GALNT13: variants seen among roughly 807,000 people sequenced by gnomAD.
GALNT13 encodes the protein polypeptide N-acetylgalactosaminyltransferase 13, also known as UDP-GalNAc:polypeptide N-acetylgalactosaminyltransferase 13.
In GALNT13, 28 loss-of-function variants were observed where a neutral mutation model predicts 64.2. The ratio of observed to expected loss-of-function variants is 0.44; its 90% CI spans 0.32 to 0.60. GALNT13 has a LOEUF of 0.60. Among genes scored for constraint, GALNT13 ranks in the 20% least tolerant of loss-of-function variants. GALNT13 has a pLI of 0.05. For synonymous variants in GALNT13, 214 were observed against 224.6 expected (o/e 0.95, Z 0.42); for missense variants, 577 against 669.8 (o/e 0.86, Z 1.53).
chr2:154,172,361 C>A (rs1032819141), intron 4 of GALNT13, among the ~76,000 whole-genome samples: 17 of 151,758 alleles, frequency 1.1e-4, no homozygotes, highest in African/African-American at 4.1e-4. Flanking sequence ...CTATTATTTC[C>A]CTACTAATGT....
the GALNT13 span, among the ~76,000 whole-genome samples, chr2:153,387,814 A>AT: frequency 6.6e-6 from 1 of 152,136 alleles, no homozygotes; most frequent in South Asian, 2.1e-4. Flanking sequence ...AAAGCACCTC[A>AT]TAAAAAGCTC....
intron 4 of GALNT13, among the ~76,000 whole-genome samples, chr2:154,162,986 A>C (rs967319941): frequency 6.2e-5 from 9 of 146,076 alleles, no homozygotes; most frequent in Middle Eastern, 3.2e-3. Context: ...TTTTTTTTTT[A>C]TATTTTTTAT....
the GALNT13 span, among the ~76,000 whole-genome samples, chr2:153,094,193 G>A: frequency 6.6e-6 from 1 of 151,360 alleles, no homozygotes; most frequent in Non-Finnish European, 1.5e-5. Flanking sequence ...TTTGGGTTTG[G>A]TTTTCCCTTT....
chr2:153,244,786 C>T, the GALNT13 span, among the ~76,000 whole-genome samples: 1 of 152,174 alleles, frequency 6.6e-6, no homozygotes, highest in African/African-American at 2.4e-5. Context: ...CAGAACTGTT[C>T]ACTGCCTTGG....
chr2:153,893,076 G>A (rs1687656489), intron 1 of GALNT13, among the ~76,000 whole-genome samples: 1 of 151,940 alleles, frequency 6.6e-6, no homozygotes, highest in Non-Finnish European at 1.5e-5. Flanking sequence ...TAGGATTCTT[G>A]TACTCAAAAT....
the GALNT13 span, among the ~76,000 whole-genome samples, chr2:153,652,053 G>A: frequency 4.5e-4 from 69 of 152,196 alleles, no homozygotes; most frequent in Middle Eastern, 6.8e-3. Context: ...AGCAGCAAGA[G>A]TTATCATCAT....
At chr2:154,264,624 G>A (rs1244595319) in intron 8 of GALNT13, among the ~76,000 whole-genome samples, 1 of 152,012 alleles carries the variant, frequency 6.6e-6, no homozygotes. Context: ...ACAACAGAGC[G>A]AGACTCTGTC....
At chr2:153,516,929 G>T in the GALNT13 span, among the ~76,000 whole-genome samples, 1 of 151,986 alleles carries the variant, frequency 6.6e-6, no homozygotes, top group African/African-American at 2.4e-5. Flanking sequence ...CTCTTGTAGG[G>T]TTTAGTTTTT....
At chr2:153,781,343 A>C in the GALNT13 span, among the ~76,000 whole-genome samples, 1 of 152,170 alleles carries the variant, frequency 6.6e-6, no homozygotes, top group Non-Finnish European at 1.5e-5. Context: ...CTATTGCCTC[A>C]GTTTGCTCAT....
At chr2:153,638,024 G>C in the GALNT13 span, among the ~76,000 whole-genome samples, 1 of 150,658 alleles carries the variant, frequency 6.6e-6, no homozygotes, top group Non-Finnish European at 1.5e-5. Flanking sequence ...GGTGGACAAG[G>C]AGGTCTCACT....
At chr2:153,714,150 G>A in the GALNT13 span, among the ~76,000 whole-genome samples, 1 of 152,060 alleles carries the variant, frequency 6.6e-6, no homozygotes, top group Admixed American at 6.5e-5. Context: ...GACATTCCAG[G>A]TCCAGAGATT....
intron 3 of GALNT13, among the ~76,000 whole-genome samples, chr2:154,052,887 C>T (rs776258780): frequency 1.3e-5 from 2 of 151,952 alleles, no homozygotes; most frequent in Admixed American, 6.6e-5. Flanking sequence ...CAGGCGCCCG[C>T]CACCATGCCC....
intron 11 of GALNT13, among the ~76,000 whole-genome samples, chr2:154,429,325 A>G (rs182592511): frequency 1.3e-5 from 2 of 152,326 alleles, no homozygotes; most frequent in Non-Finnish European, 2.9e-5. Flanking sequence ...GGAAATTGAA[A>G]GTGTTACTCT....
At chr2:153,135,659 T>C in the GALNT13 span, among the ~76,000 whole-genome samples, 3 of 152,102 alleles carry the variant, frequency 2.0e-5, no homozygotes, top group Middle Eastern at 6.3e-3. Context: ...TATGTGTGTG[T>C]GATTTTTTCA....
intron 4 of GALNT13, among the ~76,000 whole-genome samples, chr2:154,198,621 A>G (rs1399201666): frequency 1.3e-5 from 2 of 151,938 alleles, no homozygotes; most frequent in Non-Finnish European, 2.9e-5. Flanking sequence ...AGTCCCTGCA[A>G]GTACCCTATA....
chr2:153,352,996 G>C, the GALNT13 span, among the ~76,000 whole-genome samples: 2 of 152,060 alleles, frequency 1.3e-5, no homozygotes, highest in South Asian at 4.1e-4. Context: ...AAAATAACTT[G>C]CTGGGATTTT....
intron 1 of GALNT13, among the ~76,000 whole-genome samples, chr2:153,881,289 G>T (rs1336588615): frequency 6.6e-6 from 1 of 152,112 alleles, no homozygotes; most frequent in Non-Finnish European, 1.5e-5. Flanking sequence ...CATTATTTAT[G>T]CTAGATTACT....
intron 3 of GALNT13, among the ~76,000 whole-genome samples, chr2:154,026,284 G>A (rs1232688374): frequency 6.6e-6 from 1 of 152,150 alleles, no homozygotes; most frequent in Non-Finnish European, 1.5e-5. Flanking sequence ...GTCAGAAGGT[G>A]AAGGGTAAGG....
intron 3 of GALNT13, among the ~76,000 whole-genome samples, chr2:154,053,204 G>T (rs940836459): frequency 4.6e-5 from 7 of 152,140 alleles, no homozygotes; most frequent in Admixed American, 2.0e-4. Context: ...TGAACTTGGA[G>T]GAAGAATCTT....
Sources: gnomAD v4.1 joint callset for allele counts (sites outside exome capture counted in the v4.1 genomes callset) on GRCh38, gnomAD v4.1.1 for gene constraint, MANE v1.5 for transcripts, NCBI Gene and HGNC (gene_info 2026-07-23, HGNC 2026-07-21) for gene names.